The following HJV variants were observed in gnomAD, a reference collection of about 807,000 sequenced individuals.
The protein encoded by HJV is hemojuvelin BMP co-receptor.
Under a neutral mutation model 22.7 loss-of-function variants are expected in HJV, and 18 were observed. That is an observed-to-expected ratio of 0.79 (90% confidence interval 0.55 to 1.18). The LOEUF is 1.18. Among genes scored for constraint, HJV ranks in the 50% most tolerant of loss-of-function variants. HJV has a pLI of 0.00. For synonymous variants in HJV, 229 were observed against 222.7 expected, an observed-to-expected ratio of 1.03 and a Z score of -0.25; for missense variants, 572 against 553.0, an observed-to-expected ratio of 1.03 and a Z score of -0.34.
rs12723567 is a variant in HJV at position 146,021,298 on chromosome 1, T to C, written c.-90+289A>G. On this transcript the variant is annotated intron_variant, in intron 1 of 3. Transcript: ENST00000336751. The stretch of plus-strand genomic sequence containing the variant: ...TGGCCTTGGTAAGAAAACTACAGAA[T>C]AGAGGACGTAGGGAACTCCTTCTAA... Among the ~76,000 whole-genome samples, 1,041 of 152,242 alleles carry C rather than the reference T, an allele frequency of 6.8e-3. 3 individuals are homozygous for C. The highest frequency in any genetic ancestry group is 8.4e-3 in the Non-Finnish European group (572 of 68,024).
chr1:146,018,622 C>T lies in HJV; in HGVS notation c.736G>A (p.Ala246Thr), dbSNP rs184038328. ...YQAEVDNLPV[A>T]FEDGSINGGD... ...CCATTGATAGAACCATCTTCAAAGG[C>T]TACAGGAAGATTATCCACCTCAGCC... Residue 246 changes from alanine (A) to threonine (T), a missense_variant, in exon 4 of 4, where the codon GCC becomes ACC. Coordinates refer to ENST00000336751, the MANE Select transcript of HJV (RefSeq NM_213653.4). 1 of 1,614,078 alleles carries T rather than the reference C, an allele frequency of 6.2e-7. No homozygotes were observed. The highest frequency in any genetic ancestry group is 2.2e-5 in the East Asian group (1 of 44,888).
Position 146,019,247 on chromosome 1 carries a change from A to G in HJV, c.585T>C (p.Asp195=), listed in dbSNP as rs782277254. The G allele has an allele frequency of 7.4e-6, 12 of 1,614,058 alleles. No individual in the cohort carries two copies. The highest frequency in any genetic ancestry group is 1.6e-4 in the Middle Eastern group (1 of 6,062). ...CRVQGAWPLL[D]NDFLFVQATS... The stretch of plus-strand genomic sequence containing the variant: ...TGGCTTGGACAAAGAGGAAGTCATT[A>G]TCCAGTAGAGGCCAAGCTCCTTGGA... Residue 195 remains aspartate (D), a synonymous_variant, in exon 3 of 4, where the codon GAT becomes GAC. Transcript: ENST00000336751.
chr1:146,019,548 C>T lies in HJV; in HGVS notation c.284G>A (p.Arg95His). The T allele has an allele frequency of 6.2e-7, 1 of 1,612,820 alleles. No homozygotes were observed. Among genetic ancestry groups the T allele is most frequent in the Non-Finnish European group, 8.5e-7 (1 of 1,179,920 alleles). ...SYALCTRRTA[R>H]TCRGDLAFHS... is the part of the protein sequence containing the mutation. The stretch of plus-strand genomic sequence containing the variant: ...GAAGGCGAGGTCCCCGCGGCAGGTG[C>T]GGGCGGTGCGCCGAGTGCAGAGCGC... The change falls in exon 3 of 4, where the codon CGC (arginine) becomes CAC (histidine). Residue 95 changes from arginine to histidine, a missense_variant. Coordinates refer to ENST00000336751, the MANE Select transcript of HJV (RefSeq NM_213653.4).
chr1:146,018,731 T>A, intron 3 of HJV, 31 bp from the exon 4 acceptor site: 1 of 1,613,062 alleles, frequency 6.2e-7, no homozygotes. Flanking sequence ...ACAGTTCATT[T>A]TGGGTTCAGT....
In HJV at chr1:146,018,595, C is replaced by T; in HGVS notation, c.763G>A (p.Gly255Ser). Reference protein sequence around the residue: ...VAFEDGSINGGDRPGGSSLSI... With the variant: ...VAFEDGSINGSDRPGGSSLSI... ...AAACTGGATCCCCCAGGTCGGTCAC[C>T]TCCATTGATAGAACCATCTTCAAAG... Residue 255 changes from glycine (G) to serine (S), a missense_variant, in exon 4 of 4, where the codon GGT (glycine) becomes AGT (serine). Gly to Ser is a moderately conservative substitution (Grantham distance 56). Transcript: ENST00000336751. 6.2e-7 allele frequency: 1 copy of T among 1,614,218 alleles called. No individual in the cohort carries two copies.
chr1:146,019,454 G>A lies in HJV; in HGVS notation c.378C>T (p.Ala126=). Residue 126 remains alanine (A), a synonymous_variant, in exon 3 of 4, where the codon GCC becomes GCT. Coordinates refer to ENST00000336751, the MANE Select transcript of HJV (RefSeq NM_213653.4). ...GGGCGGGGCCCCGGGGCGGGGGAGGGGCTGTAGGGCCCTGGCGGGAGCAGT... is the reference window on the plus strand; with the variant it reads ...GGGCGGGGCCCCGGGGCGGGGGAGGAGCTGTAGGGCCCTGGCGGGAGCAGT... The part of the protein sequence containing the change: ...QHNCSRQGPT[A]PPPPRGPALP... 1.2e-6 allele frequency: 2 copies of A among 1,612,672 alleles called. No homozygotes were observed. The highest frequency in any genetic ancestry group is 1.7e-6 in the Non-Finnish European group (2 of 1,179,754).
chr1:146,019,543 A>G lies in HJV; in HGVS notation c.289T>C (p.Cys97Arg). The G allele has an allele frequency of 6.2e-7, 1 of 1,613,056 alleles. No homozygotes were observed. Among genetic ancestry groups the G allele is most frequent in the Non-Finnish European group, 8.5e-7 (1 of 1,179,934 alleles). Reference protein sequence around the residue: ...ALCTRRTARTCRGDLAFHSAV... With the variant: ...ALCTRRTARTRRGDLAFHSAV... ...GAATGGAAGGCGAGGTCCCCGCGGC[A>G]GGTGCGGGCGGTGCGCCGAGTGCAG... Residue 97 changes from cysteine (C) to arginine (R), a missense_variant, in exon 3 of 4, where the codon TGC (cysteine) becomes CGC (arginine). Coordinates refer to ENST00000336751, the MANE Select transcript of HJV (RefSeq NM_213653.4).
At chr1:146,020,083 A>G (rs1553769872) in intron 2 of HJV, 52 bp downstream of exon 2, 7 of 1,296,712 alleles carry the variant, frequency 5.4e-6, no homozygotes, top group East Asian at 2.3e-5. Flanking sequence ...CCACCCCTAC[A>G]TAGCAGCCTA....
At position 146,019,572 on chromosome 1, in the gene HJV, G is replaced by A; in HGVS notation, c.260C>T (p.Ala87Val). The A allele has an allele frequency of 1.2e-6, 2 of 1,613,398 alleles. No individual in the cohort carries two copies. Among genetic ancestry groups the A allele is most frequent in the Non-Finnish European group, 1.7e-6 (2 of 1,179,994 alleles). The part of the protein sequence containing the change: ...GGLCRALRSY[A>V]LCTRRTARTC... ...GCGGGCGGTGCGCCGAGTGCAGAGC[G>A]CATAGGAGCGGAGGGCTCGACAGAG... Residue 87 changes from alanine (A) to valine (V), a missense_variant, in exon 3 of 4, where the codon GCG becomes GTG. Physicochemically the swap from Ala to Val is moderately conservative, Grantham distance 64. Transcript: ENST00000336751.
chr1:146,020,124 C>G lies in HJV; in HGVS notation c.97+11G>C. The stretch of plus-strand genomic sequence containing the variant: ...TAGATTTCCCCAAACCCTTCCCTGG[C>G]CCTTCCTTACCATGTCCACAGAGGA... On this transcript the variant is annotated intron_variant, in intron 2 of 3. Coordinates refer to ENST00000336751, the MANE Select transcript of HJV (RefSeq NM_213653.4). 1.3e-6 allele frequency: 2 copies of G among 1,579,934 alleles called. No homozygotes were observed. The highest frequency in any genetic ancestry group is 1.7e-6 in the Non-Finnish European group (2 of 1,148,852).
intron 3 of HJV, among the ~76,000 whole-genome samples, chr1:146,018,940 G>A (rs1553769584): frequency 6.6e-6 from 1 of 152,140 alleles, no homozygotes; most frequent in African/African-American, 2.4e-5. Context: ...AACTCCTCAG[G>A]TCCGCCCTCT....
At position 146,018,028 on chromosome 1, in the gene HJV, T is replaced by C. The variant is rs1553769328; in HGVS notation, c.*49A>G. The C allele has an allele frequency of 6.3e-7, 1 of 1,593,592 alleles. No individual in the cohort carries two copies. The highest frequency in any genetic ancestry group is 1.3e-5 in the African/African-American group (1 of 74,672). ...GATTCTTTACATTCTTCTATGCCAA[T>C]CTGTATCTCCAAATCATTTCCAAAC... On this transcript the variant is annotated 3_prime_UTR_variant, in exon 4 of 4. Coordinates refer to ENST00000336751, the MANE Select transcript of HJV (RefSeq NM_213653.4).
chr1:146,020,645 A>G (rs1553770017), intron 1 of HJV, among the ~76,000 whole-genome samples: 1 of 152,190 alleles, frequency 6.6e-6, no homozygotes, highest in Non-Finnish European at 1.5e-5. Context: ...GCTAGATCAG[A>G]TACCAGTAAT....
Position 146,019,432 on chromosome 1 carries a change from CG to C in HJV, c.399del (p.Ala134ProfsTer112), listed in dbSNP as rs1652568567. On this transcript the variant is annotated frameshift_variant, in exon 3 of 4. Coordinates refer to ENST00000336751, the MANE Select transcript of HJV (RefSeq NM_213653.4). LOFTEE classifies it high-confidence loss of function. ...GPTAPPPPRG[P>X]ALPGAGSGLP... ...AGGCCGGAGCCCGCGCCTGGAAGGG[CG>C]GGGCCCCGGGGCGGGGGAGGGGCTG... 3 of 1,611,534 alleles carry C rather than the reference CG, an allele frequency of 1.9e-6. No individual in the cohort carries two copies. In the South Asian group the frequency reaches 3.3e-5, roughly 18 times the overall value.
At position 146,018,268 on chromosome 1, in the gene HJV, C is replaced by T; in HGVS notation, c.1090G>A (p.Asp364Asn). 6.2e-7 allele frequency: 1 copy of T among 1,614,192 alleles called. No individual in the cohort carries two copies. The highest frequency in any genetic ancestry group is 8.5e-7 in the Non-Finnish European group (1 of 1,180,040). ...TTGGGATCACCAGAAATTAAAACATCAAAGACACAGGAATGGAAGTAAGCA... is the reference window on the plus strand; with the variant it reads ...TTGGGATCACCAGAAATTAAAACATTAAAGACACAGGAATGGAAGTAAGCA... ...EDAYFHSCVF[D>N]VLISGDPNFT... is the part of the protein sequence containing the mutation. The change falls in exon 4 of 4, where the codon GAT (aspartate) becomes AAT (asparagine). Residue 364 changes from aspartate to asparagine, a missense_variant. Coordinates refer to ENST00000336751, the MANE Select transcript of HJV (RefSeq NM_213653.4).
chr1:146,017,746 C>A lies in HJV; in HGVS notation c.*331G>T. 3.4e-6 allele frequency: 1 copy of A among 295,246 alleles called. No homozygotes were observed. Among genetic ancestry groups the A allele is most frequent in the Non-Finnish European group, 6.8e-6 (1 of 147,270 alleles). 18.3% of individuals were successfully genotyped at this position (295,246 alleles called of 1,614,324 possible). A position where few individuals can be genotyped will look rare whatever the true frequency, so the allele number is the denominator to read the frequency against. ...CTCTTGCCTCTTAAAAATCTCAACC[C>A]TTAAATCTTTACTGATCATTAAAAC... is the stretch of plus-strand genomic sequence containing the variant. On this transcript the variant is annotated 3_prime_UTR_variant, in exon 4 of 4. Transcript: ENST00000336751.
chr1:146,020,522 C>T (rs1652665000), intron 1 of HJV, among the ~76,000 whole-genome samples: 1 of 151,952 alleles, frequency 6.6e-6, no homozygotes, highest in South Asian at 2.1e-4. Context: ...TGTGCAATAC[C>T]CCTAGGTGGG....
At chr1:146,018,753 C>G in intron 3 of HJV, 53 bp from the exon 4 acceptor site, 2 of 1,574,134 alleles carry the variant, frequency 1.3e-6, no homozygotes, top group Admixed American at 1.7e-5. Context: ...CATCTTCCCC[C>G]CAATCAGACC....
At chr1:146,019,091 G>T (rs1559279528) in intron 3 of HJV, 84 bp downstream of exon 3, 2 of 1,120,722 alleles carry the variant, frequency 1.8e-6, no homozygotes, top group Non-Finnish European at 2.7e-6. Flanking sequence ...AGGGAGCATT[G>T]CTGTTGAATA....
Sources: gnomAD v4.1 joint callset for allele counts (sites outside exome capture counted in the v4.1 genomes callset) on GRCh38, gnomAD v4.1.1 for gene constraint, MANE v1.5 for transcripts, NCBI Gene and HGNC (gene_info 2026-07-23, HGNC 2026-07-21) for gene names.